PPFIA2: variants seen among roughly 807,000 people sequenced by gnomAD.
PPFIA2 encodes the protein PPFI scaffold protein A2.
PPFIA2 carries 46 observed loss-of-function variants against 175.5 expected under a neutral mutation model. The ratio of observed to expected loss-of-function variants is 0.26; its 90% confidence interval spans 0.21 to 0.34. PPFIA2 has a LOEUF of 0.34. Ranked by LOEUF, PPFIA2 falls within the 10% of genes least tolerant of loss-of-function variation. The probability of loss-of-function intolerance (pLI) is 1.00; values close to 1 mark genes in which losing one functional copy is unlikely to be tolerated. For missense variants in PPFIA2, 1,179 were observed against 1,506.1 expected (o/e 0.78, Z 3.60); for synonymous variants, 568 against 511.4 (o/e 1.11, Z -1.49).
At chr12:81,655,264 ATCCTCT>A (rs2067606254) in intron 4 of PPFIA2, among the ~76,000 whole-genome samples, 1 of 151,710 alleles carries the variant, frequency 6.6e-6, no homozygotes, top group Non-Finnish European at 1.5e-5. Flanking sequence ...TTTTGCCTTT[ATCCTCT>A]ATATTAAATA....
At chr12:81,267,104 ATTATAAACCATACTTTATTTATGGGTT>A (rs1323155482) in intron 29 of PPFIA2, 84 bp from the exon 30 acceptor site, 2 of 979,912 alleles carry the variant, frequency 2.0e-6, no homozygotes, top group Non-Finnish European at 3.1e-6. Context: ...CTGATAATGT[ATTATAAACCATACTTTATTTATGGGTT>A]TTGAAGTTTT....
chr12:81,276,814 G>C (rs892282033), intron 28 of PPFIA2, among the ~76,000 whole-genome samples: 29 of 152,140 alleles, frequency 1.9e-4, no homozygotes, highest in Non-Finnish European at 4.1e-4. Context: ...TAATGAACTA[G>C]TTTGGTTTAT....
At chr12:81,658,437 C>A (rs901283572) in intron 4 of PPFIA2, among the ~76,000 whole-genome samples, 21 of 151,972 alleles carry the variant, frequency 1.4e-4, no homozygotes, top group Admixed American at 1.4e-3. Flanking sequence ...AAGCCTTTAT[C>A]TTTACTTCAT....
intron 13 of PPFIA2, among the ~76,000 whole-genome samples, chr12:81,367,824 A>G (rs1043487017): frequency 6.6e-6 from 1 of 151,666 alleles, no homozygotes; most frequent in African/African-American, 2.4e-5. Flanking sequence ...AAGTACTATA[A>G]GACATTATTT....
At chr12:81,395,125 CA>C (rs2040879357) in intron 8 of PPFIA2, among the ~76,000 whole-genome samples, 1 of 151,912 alleles carries the variant, frequency 6.6e-6, no homozygotes. Context: ...AATAGTTTTG[CA>C]AGTTTGCTGT....
At chr12:81,368,239 G>T in intron 13 of PPFIA2, 3 of 1,044,514 alleles carry the variant, frequency 2.9e-6, no homozygotes, top group Non-Finnish European at 2.6e-6. Flanking sequence ...AAATAATGCA[G>T]CTGAAAATAC....
At chr12:81,285,364 A>T (rs2137206978) in intron 24 of PPFIA2, among the ~76,000 whole-genome samples, 1 of 152,226 alleles carries the variant, frequency 6.6e-6, no homozygotes, top group Admixed American at 6.5e-5. Flanking sequence ...TGTTACCCAA[A>T]CATTACAAGT....
chr12:81,574,899 G>C (rs1025888354), intron 4 of PPFIA2, among the ~76,000 whole-genome samples: 2 of 151,654 alleles, frequency 1.3e-5, no homozygotes, highest in Non-Finnish European at 3.0e-5. Flanking sequence ...AAAAGACTTT[G>C]ATTTTTCTCC....
At chr12:81,614,840 T>C (rs183763991) in intron 4 of PPFIA2, among the ~76,000 whole-genome samples, 4 of 152,278 alleles carry the variant, frequency 2.6e-5, no homozygotes, top group African/African-American at 9.6e-5. Context: ...ATAATAATGA[T>C]AAACCTTCTA....
chr12:81,674,916 T>C (rs1049382720), intron 4 of PPFIA2, among the ~76,000 whole-genome samples: 2 of 151,960 alleles, frequency 1.3e-5, no homozygotes, highest in African/African-American at 4.8e-5. Flanking sequence ...ATGTTCTAGA[T>C]AGCTCCTTAA....
At chr12:81,675,155 A>G (rs1036265585) in intron 4 of PPFIA2, among the ~76,000 whole-genome samples, 3 of 75,400 alleles carry the variant, frequency 4.0e-5, no homozygotes, top group Non-Finnish European at 1.2e-4. Flanking sequence ...AAAAAAATCT[A>G]TCTATCTAAG....
chr12:81,439,937 T>C, intron 7 of PPFIA2, 35 bp downstream of exon 7: 1 of 1,538,684 alleles, frequency 6.5e-7, no homozygotes, highest in South Asian at 1.2e-5. Flanking sequence ...TCAGCGATAT[T>C]GCACCTCAAA....
intron 7 of PPFIA2, among the ~76,000 whole-genome samples, chr12:81,436,036 G>C (rs1185650365): frequency 6.6e-6 from 1 of 151,718 alleles, no homozygotes; most frequent in African/African-American, 2.4e-5. Context: ...TCAGTGCTTT[G>C]GGAGGCCGAG....
intron 4 of PPFIA2, among the ~76,000 whole-genome samples, chr12:81,465,645 C>A (rs1386336739): frequency 6.6e-6 from 1 of 152,012 alleles, no homozygotes; most frequent in African/African-American, 2.4e-5. Flanking sequence ...TTTTTATTTG[C>A]ATATAATTTC....
intron 4 of PPFIA2, among the ~76,000 whole-genome samples, chr12:81,542,657 C>T (rs1342934538): frequency 6.6e-6 from 1 of 152,078 alleles, no homozygotes. Context: ...AGGCTCCTGA[C>T]CTCTTTTCTA....
At chr12:81,298,732 G>C (rs934422336) in intron 23 of PPFIA2, among the ~76,000 whole-genome samples, 2 of 152,170 alleles carry the variant, frequency 1.3e-5, no homozygotes, top group African/African-American at 4.8e-5. Flanking sequence ...ACACTATGTT[G>C]TACAGGAAAT....
chr12:81,634,494 A>G (rs1341379297), intron 4 of PPFIA2, among the ~76,000 whole-genome samples: 2 of 152,046 alleles, frequency 1.3e-5, no homozygotes, highest in African/African-American at 4.8e-5. Context: ...GAGTTGGAAA[A>G]TCTGTCAATA....
In PPFIA2 at chr12:81,360,557, T is replaced by G. The variant is rs998435810; in HGVS notation, c.1637+2136A>C. On this transcript the variant is annotated intron_variant, in intron 15 of 32. Coordinates refer to ENST00000549396, the MANE Select transcript of PPFIA2 (RefSeq NM_003625.5). Reference sequence around the variant, plus strand: ...TCACTCTGGAACTCATTTTACTTTCTTCTTAGATGAGATATTAAGAGAGAA... The same window carrying G: ...TCACTCTGGAACTCATTTTACTTTCGTCTTAGATGAGATATTAAGAGAGAA... 4.0e-5 allele frequency among the ~76,000 whole-genome samples: 6 copies of G among 151,710 alleles called. No homozygotes were observed. The Admixed American group carries it at 4.0e-4, about 10-fold the overall frequency.
intron 4 of PPFIA2, among the ~76,000 whole-genome samples, chr12:81,651,725 A>G (rs2067046917): frequency 6.6e-6 from 1 of 152,172 alleles, no homozygotes; most frequent in African/African-American, 2.4e-5. Context: ...CTCTGTGAGA[A>G]TAAGTGGCTT....
Sources: gnomAD v4.1 joint callset for allele counts (sites outside exome capture counted in the v4.1 genomes callset) on GRCh38, gnomAD v4.1.1 for gene constraint, MANE v1.5 for transcripts, NCBI Gene and HGNC (gene_info 2026-07-23, HGNC 2026-07-21) for gene names.